The following NOS1 variants were observed in gnomAD, a reference collection of about 807,000 sequenced individuals.
NOS1 encodes nitric oxide synthase 1, also known as NOS type I.
A neutral mutation model predicts 164.5 loss-of-function variants in NOS1; 51 were observed. The ratio of observed to expected loss-of-function variants is 0.31; its 90% confidence interval spans 0.25 to 0.39. The LOEUF (loss-of-function observed/expected upper bound fraction) is 0.39, where lower values mean the gene tolerates loss of function less well. Among genes scored for constraint, NOS1 ranks in the 10% least tolerant of loss-of-function variants. The probability of loss-of-function intolerance (pLI) is 1.00; values close to 1 mark genes in which losing one functional copy is unlikely to be tolerated. For missense variants in NOS1, 1,362 were observed against 1,885.6 expected (o/e 0.72, Z 5.14); for synonymous variants, 719 against 745.8 (o/e 0.96, Z 0.59).
chr12:117,265,722 C>A (rs1872336539), intron 11 of NOS1, among the ~76,000 whole-genome samples: 1 of 152,144 alleles, frequency 6.6e-6, no homozygotes, highest in Non-Finnish European at 1.5e-5. Context: ...GTGTCTTTAA[C>A]ACCTTTCGTG....
chr12:117,233,280 C>T (rs1249148647), intron 21 of NOS1, among the ~76,000 whole-genome samples: 7 of 151,746 alleles, frequency 4.6e-5, no homozygotes, highest in African/African-American at 1.7e-4. Flanking sequence ...AACTCCTGAC[C>T]TCAGGTGATC....
rs938797830 is a variant in NOS1 at position 117,287,172 on chromosome 12, C to T, written c.1127+902G>A. On this transcript the variant is annotated intron_variant, in intron 5 of 28. Transcript: ENST00000317775. ...GAGGGTGCAGTGAGCCAAGATCATG[C>T]CACTGCACTCCAGCCTGGGTGACAG... Among the ~76,000 whole-genome samples the T allele has an allele frequency of 2.6e-5, 4 of 152,140 alleles. No homozygotes were observed. In the East Asian group the frequency reaches 7.8e-4, roughly 30 times the overall value.
At chr12:117,355,845 C>T (rs938426967) in intron 1 of NOS1, among the ~76,000 whole-genome samples, 26 of 152,142 alleles carry the variant, frequency 1.7e-4, no homozygotes, top group East Asian at 9.6e-4. Flanking sequence ...CTGCAACCTC[C>T]GCATCCTGGG....
intron 3 of NOS1, among the ~76,000 whole-genome samples, chr12:117,296,503 T>G (rs1192891033): frequency 6.6e-6 from 1 of 152,188 alleles, no homozygotes; most frequent in African/African-American, 2.4e-5. Flanking sequence ...GCCTACATCT[T>G]TCTCCCGTGC....
At chr12:117,325,360 C>T (rs1197831621) in intron 2 of NOS1, among the ~76,000 whole-genome samples, 1 of 152,134 alleles carries the variant, frequency 6.6e-6, no homozygotes, top group Non-Finnish European at 1.5e-5. Flanking sequence ...GACACTGATG[C>T]CTAAAGAGGT....
intron 1 of NOS1, among the ~76,000 whole-genome samples, chr12:117,359,040 C>T (rs1876990222): frequency 6.6e-6 from 1 of 152,242 alleles, no homozygotes; most frequent in Non-Finnish European, 1.5e-5. Context: ...CCTCAATTTC[C>T]GCAGCTGCAA....
At chr12:117,337,409 C>T (rs1278102497) in intron 1 of NOS1, among the ~76,000 whole-genome samples, 1 of 152,138 alleles carries the variant, frequency 6.6e-6, no homozygotes, top group Non-Finnish European at 1.5e-5. Context: ...AGCCACCGTG[C>T]CCGGCCGCGC....
intron 3 of NOS1, among the ~76,000 whole-genome samples, chr12:117,291,439 G>A (rs1873049025): frequency 6.6e-6 from 1 of 150,938 alleles, no homozygotes; most frequent in African/African-American, 2.4e-5. Flanking sequence ...CTCTGCAAAT[G>A]ATTTGGCCAG....
At chr12:117,220,317 C>T (rs751395912) in intron 26 of NOS1, 48 bp from the exon 27 acceptor site, 4 of 1,524,178 alleles carry the variant, frequency 2.6e-6, no homozygotes, top group Non-Finnish European at 3.5e-6. Flanking sequence ...GTGCAACGTG[C>T]CTGCCATAGC....
chr12:117,282,731 G>A (rs1429355145), intron 7 of NOS1, among the ~76,000 whole-genome samples: 1 of 152,166 alleles, frequency 6.6e-6, no homozygotes, highest in African/African-American at 2.4e-5. Context: ...GATGAACACG[G>A]AGTGAGTCAA....
At position 117,260,442 on chromosome 12, in the gene NOS1, AGCTAGG is replaced by A. The variant is rs1339181714; in HGVS notation, c.2367+17_2367+22del. The A allele has an allele frequency of 6.2e-7, 1 of 1,610,256 alleles. No homozygotes were observed. The highest frequency in any genetic ancestry group is 2.2e-5 in the East Asian group (1 of 44,744). On this transcript the variant is annotated intron_variant, in intron 14 of 28. Transcript: ENST00000317775. Reference sequence around the variant, plus strand: ...TTAATTCACCATGAGAAGCTGGTGGAGCTAGGGCTACCCCCCACCTACCTTGGCATC... The same window carrying A: ...TTAATTCACCATGAGAAGCTGGTGGAGCTACCCCCCACCTACCTTGGCATC...
intron 2 of NOS1, among the ~76,000 whole-genome samples, chr12:117,322,906 T>TC (rs1566075938): frequency 3.0e-5 from 4 of 131,556 alleles, no homozygotes; most frequent in South Asian, 2.8e-4. Flanking sequence ...CCTCCCTCCC[T>TC]CCTCTAAGGC....
intron 13 of NOS1, 121 bp from the exon 14 acceptor site, chr12:117,260,730 T>A: frequency 1.9e-6 from 2 of 1,076,250 alleles, no homozygotes; most frequent in Non-Finnish European, 2.6e-6. Context: ...ACTCTCTTGA[T>A]CTTTGATGGC....
chr12:117,253,550 A>C, intron 17 of NOS1, 88 bp downstream of exon 17: 1 of 883,006 alleles, frequency 1.1e-6, no homozygotes, highest in Admixed American at 2.0e-5. Context: ...CTACCTCTCC[A>C]CAACGAAGCG....
intron 3 of NOS1, among the ~76,000 whole-genome samples, chr12:117,297,121 T>G (rs1873468696): frequency 6.6e-6 from 1 of 152,254 alleles, no homozygotes; most frequent in Admixed American, 6.5e-5. Context: ...GGCCTTGATT[T>G]CATAGAGTGA....
intron 3 of NOS1, among the ~76,000 whole-genome samples, chr12:117,296,567 C>T (rs1173148903): frequency 6.6e-6 from 1 of 152,204 alleles, no homozygotes; most frequent in Non-Finnish European, 1.5e-5. Flanking sequence ...CTTTGGGACT[C>T]GGGCTGGCTT....
rs1956500115 is a variant in NOS1, at chr12:117,209,803, G to A, written c.*5506C>T. On this transcript the variant is annotated 3_prime_UTR_variant, in exon 29 of 29. Transcript: ENST00000317775. ...GCCCCTTTGCCACAAGGCAGGGACT[G>A]GCAGTGGGCCAAGGATAGGGAGTGT... The A allele has an allele frequency of 1.0e-6, 1 of 985,382 alleles. No individual in the cohort carries two copies. The highest frequency in any genetic ancestry group is 1.7e-5 in the African/African-American group (1 of 57,256). 61.0% of individuals were successfully genotyped at this position (985,382 alleles called of 1,614,324 possible). A position where few individuals can be genotyped will look rare whatever the true frequency, so the allele number is the denominator to read the frequency against.
chr12:117,355,945 G>T (rs56202923), intron 1 of NOS1, among the ~76,000 whole-genome samples: 23,008 of 152,064 alleles, frequency 0.15, 2,220 homozygotes, highest in Admixed American at 0.22. Context: ...TAGAGATGGA[G>T]TCTCACTCTG....
rs1872831083 is a variant in NOS1 at position 117,272,119 on chromosome 12, T to C, written c.1839+266A>G. Among the ~76,000 whole-genome samples the C allele has an allele frequency of 6.6e-6, 1 of 152,084 alleles. No homozygotes were observed. The highest frequency in any genetic ancestry group is 2.1e-4 in the South Asian group (1 of 4,826). ...GGATTCTCATACCTCAAGGTTCAGGTGAGGATGAAATGAGAATGGAACACA... is the reference window on the plus strand; with the variant it reads ...GGATTCTCATACCTCAAGGTTCAGGCGAGGATGAAATGAGAATGGAACACA... On this transcript the variant is annotated intron_variant, in intron 10 of 28. Coordinates refer to ENST00000317775, the MANE Select transcript of NOS1 (RefSeq NM_000620.5). The surrounding 1 kb of genome is among the most constrained non-coding windows in gnomAD (Gnocchi z 4.3).
Sources: allele counts gnomAD v4.1 joint callset (sites outside exome capture counted in the v4.1 genomes callset), GRCh38; gene constraint gnomAD v4.1.1; non-coding constraint Gnocchi (gnomAD v3.1); transcripts MANE v1.5; gene names NCBI Gene and HGNC (gene_info 2026-07-23, HGNC 2026-07-21).